Variants in EYS observed in about 807,000 individuals in gnomAD.
EYS encodes EGF-like photoreceptor maintenance factor, also known as protein eyes shut homolog.
Under a neutral mutation model 282.1 loss-of-function variants are expected in EYS, and 250 were observed. That is an observed-to-expected ratio of 0.89 (90% CI 0.80 to 0.98). EYS has a LOEUF of 0.98. Ranked by LOEUF, EYS falls within the 50% of genes least tolerant of loss-of-function variation. The pLI, the probability that EYS is intolerant of heterozygous loss-of-function variation, is 0.00. For missense variants in EYS, 4,016 were observed against 3,709.0 expected, an observed-to-expected ratio of 1.08 and a Z score of -2.15; for synonymous variants, 1,355 against 1,282.9, an observed-to-expected ratio of 1.06 and a Z score of -1.20.
intron 1 of EYS, among the ~76,000 whole-genome samples, chr6:65,660,555 T>G (rs1767968966): frequency 6.6e-6 from 1 of 151,798 alleles, no homozygotes; most frequent in African/African-American, 2.4e-5. Context: ...CCATATGTAC[T>G]GTAATTTCCT....
At chr6:65,370,735 G>A (rs1765111923) in intron 8 of EYS, among the ~76,000 whole-genome samples, 1 of 151,806 alleles carries the variant, frequency 6.6e-6, no homozygotes, top group Non-Finnish European at 1.5e-5. Flanking sequence ...TACTAAGAAA[G>A]AGTTCTCCTG....
intron 29 of EYS, among the ~76,000 whole-genome samples, chr6:64,350,103 T>C (rs995868211): frequency 6.6e-6 from 1 of 151,520 alleles, no homozygotes; most frequent in Admixed American, 6.6e-5. Flanking sequence ...AGAAAATAAG[T>C]CATTTTGGCA....
intron 22 of EYS, among the ~76,000 whole-genome samples, chr6:64,718,176 C>T (rs1470900576): frequency 6.6e-6 from 1 of 152,168 alleles, no homozygotes; most frequent in Non-Finnish European, 1.5e-5. Context: ...CCCCGAGGAA[C>T]ACTAGGTGAA....
At chr6:64,667,102 C>T (rs1449259223) in intron 22 of EYS, among the ~76,000 whole-genome samples, 1 of 151,386 alleles carries the variant, frequency 6.6e-6, no homozygotes, top group African/African-American at 2.4e-5. Flanking sequence ...ACACCAAGAA[C>T]TTTCCCTATA....
At chr6:64,582,954 C>T (rs1479090331) in intron 26 of EYS, among the ~76,000 whole-genome samples, 1 of 152,106 alleles carries the variant, frequency 6.6e-6, no homozygotes, top group Non-Finnish European at 1.5e-5. Context: ...ACAGTTGGCC[C>T]TGTAGGAACA....
intron 13 of EYS, among the ~76,000 whole-genome samples, chr6:65,043,081 T>C (rs545104449): frequency 1.3e-5 from 2 of 151,630 alleles, no homozygotes; most frequent in South Asian, 4.1e-4. Flanking sequence ...TTAAAATTAC[T>C]GTGATTTTTT....
chr6:64,039,848 G>T (rs75094692), intron 33 of EYS, among the ~76,000 whole-genome samples: 8,256 of 151,988 alleles, frequency 0.054, 618 homozygotes, highest in African/African-American at 0.17. Context: ...GTACATATTT[G>T]ATTATTTTGC....
intron 22 of EYS, among the ~76,000 whole-genome samples, chr6:64,685,573 G>T (rs1770065007): frequency 3.9e-5 from 6 of 152,072 alleles, no homozygotes; most frequent in African/African-American, 1.4e-4. Context: ...TTCCTCTCTT[G>T]CCATGTGATC....
chr6:64,290,489 A>G (rs1307006033), intron 30 of EYS, among the ~76,000 whole-genome samples: 1 of 152,144 alleles, frequency 6.6e-6, no homozygotes, highest in Non-Finnish European at 1.5e-5. Context: ...ATTAGTTTGT[A>G]TAATCTTCAC....
At chr6:64,314,859 A>G (rs564702132) in intron 29 of EYS, among the ~76,000 whole-genome samples, 58 of 152,308 alleles carry the variant, frequency 3.8e-4, no homozygotes, top group African/African-American at 1.3e-3. Flanking sequence ...TCACAATTAA[A>G]AGAACTAGAG....
chr6:64,694,649 T>G (rs1372771530), intron 22 of EYS, among the ~76,000 whole-genome samples: 1 of 152,162 alleles, frequency 6.6e-6, no homozygotes, highest in Admixed American at 6.5e-5. Flanking sequence ...GGAGACTAAC[T>G]GGATGGGAAT....
At chr6:64,944,796 C>T (rs1466892902) in intron 15 of EYS, among the ~76,000 whole-genome samples, 1 of 152,092 alleles carries the variant, frequency 6.6e-6, no homozygotes, top group Non-Finnish European at 1.5e-5. Context: ...AGAAAAACCG[C>T]CCTATGGTGG....
intron 37 of EYS, among the ~76,000 whole-genome samples, chr6:63,801,565 G>C (rs1178493305): frequency 6.6e-6 from 1 of 152,178 alleles, no homozygotes; most frequent in Non-Finnish European, 1.5e-5. Context: ...ACTACTGTGG[G>C]ATATATAGGG....
chr6:64,535,523 A>G (rs1308812803), intron 26 of EYS, among the ~76,000 whole-genome samples: 1 of 151,468 alleles, frequency 6.6e-6, no homozygotes, highest in African/African-American at 2.4e-5. Flanking sequence ...GGACTGCTTG[A>G]GCCCAGGAGT....
chr6:65,153,028 T>C (rs1764649665), intron 12 of EYS, among the ~76,000 whole-genome samples: 1 of 151,342 alleles, frequency 6.6e-6, no homozygotes, highest in Non-Finnish European at 1.5e-5. Context: ...CCCGTGTTCA[T>C]GTCCTTGTGT....
chr6:65,413,434 A>C (rs1767106039), intron 5 of EYS, among the ~76,000 whole-genome samples: 1 of 152,182 alleles, frequency 6.6e-6, no homozygotes, highest in Non-Finnish European at 1.5e-5. Context: ...AATGATGTTA[A>C]GAAAAATAAA....
chr6:64,587,774 T>C (rs1367577189), intron 26 of EYS, among the ~76,000 whole-genome samples: 2 of 151,960 alleles, frequency 1.3e-5, no homozygotes, highest in African/African-American at 4.8e-5. Context: ...GTAAAACAAT[T>C]TTAAAAGAAG....
intron 35 of EYS, among the ~76,000 whole-genome samples, chr6:63,894,542 G>A (rs1773485755): frequency 6.6e-6 from 1 of 151,986 alleles, no homozygotes; most frequent in Non-Finnish European, 1.5e-5. Flanking sequence ...CTGACTTCCA[G>A]AACTGGGAGG....
At chr6:64,171,423 G>A (rs953052205) in intron 31 of EYS, among the ~76,000 whole-genome samples, 14 of 152,194 alleles carry the variant, frequency 9.2e-5, no homozygotes, top group Admixed American at 2.6e-4. Context: ...TTCTAAAAAT[G>A]AATGAGTTGG....
Sources: gnomAD v4.1 joint callset for allele counts (sites outside exome capture counted in the v4.1 genomes callset) on GRCh38, gnomAD v4.1.1 for gene constraint, MANE v1.5 for transcripts, NCBI Gene and HGNC (gene_info 2026-07-23, HGNC 2026-07-21) for gene names.